KIF26B: variants seen among roughly 807,000 people sequenced by gnomAD.
KIF26B encodes the protein kinesin family member 26B, also known as kinesin-like protein KIF26B.
KIF26B carries 63 observed loss-of-function variants against 151.2 expected under a neutral mutation model. That is an observed-to-expected ratio of 0.42 (90% confidence interval 0.34 to 0.51). The LOEUF is 0.51. Among genes scored for constraint, KIF26B ranks in the 20% least tolerant of loss-of-function variants. The probability of loss-of-function intolerance (pLI) is 0.07; values close to 1 mark genes in which losing one functional copy is unlikely to be tolerated. For synonymous variants in KIF26B, 1,357 were observed against 1,262.1 expected (o/e 1.08, Z -1.59); for missense variants, 2,813 against 2,913.6 (o/e 0.97, Z 0.79).
intron 3 of KIF26B, among the ~76,000 whole-genome samples, chr1:245,399,122 G>A (rs1034153745): frequency 6.6e-6 from 1 of 152,152 alleles, no homozygotes; most frequent in Admixed American, 6.5e-5. Flanking sequence ...CCTCCAGTGA[G>A]GGGTCCAGTC....
chr1:245,194,067 C>T (rs936834319), intron 2 of KIF26B, among the ~76,000 whole-genome samples: 7 of 152,170 alleles, frequency 4.6e-5, no homozygotes, highest in African/African-American at 1.7e-4. Flanking sequence ...AAGCATTCCA[C>T]GTAGGACACT....
chr1:245,190,318 C>T (rs1048827332), intron 2 of KIF26B, among the ~76,000 whole-genome samples: 2 of 152,182 alleles, frequency 1.3e-5, no homozygotes, highest in Non-Finnish European at 2.9e-5. Flanking sequence ...ACTCTCTTGT[C>T]AGGACTTCTT....
chr1:245,408,673 TAA>T (rs1291739275), intron 3 of KIF26B, among the ~76,000 whole-genome samples: 2 of 152,190 alleles, frequency 1.3e-5, no homozygotes, highest in Non-Finnish European at 1.5e-5. Flanking sequence ...TTCTTTTTTT[TAA>T]AATACAATCT....
At chr1:245,353,095 G>A (rs1487773445) in intron 2 of KIF26B, among the ~76,000 whole-genome samples, 1 of 152,202 alleles carries the variant, frequency 6.6e-6, no homozygotes, top group African/African-American at 2.4e-5. Flanking sequence ...ATCTGTTAAA[G>A]ATAGTCAGAA....
chr1:245,319,979 T>C (rs1406314957), intron 2 of KIF26B, among the ~76,000 whole-genome samples: 5 of 152,324 alleles, frequency 3.3e-5, no homozygotes, highest in East Asian at 3.9e-4. Flanking sequence ...TACCCTTTCC[T>C]TTAGAAAATC....
chr1:245,230,575 T>C (rs569741018), intron 2 of KIF26B, among the ~76,000 whole-genome samples: 5 of 151,974 alleles, frequency 3.3e-5, no homozygotes, highest in Admixed American at 6.5e-5. Flanking sequence ...AAACCCCATC[T>C]CTACTAAAAA....
chr1:245,663,432 A>T (rs2044179902), intron 10 of KIF26B, among the ~76,000 whole-genome samples: 1 of 151,804 alleles, frequency 6.6e-6, no homozygotes, highest in Non-Finnish European at 1.5e-5. Flanking sequence ...ATTGTCTCTA[A>T]CATGTTAATC....
At chr1:245,181,512 G>GT (rs941385628) in intron 2 of KIF26B, among the ~76,000 whole-genome samples, 7 of 87,402 alleles carry the variant, frequency 8.0e-5, no homozygotes, top group African/African-American at 2.9e-4. Flanking sequence ...ACGTAGTAAA[G>GT]TTAAAAAAAA....
chr1:245,527,524 CTTTTTTTT>C (rs548422038), intron 4 of KIF26B, among the ~76,000 whole-genome samples: 20 of 50,722 alleles, frequency 3.9e-4, no homozygotes, highest in South Asian at 2.6e-3. Flanking sequence ...TTTGGGATGG[CTTTTTTTT>C]TTTTTTTTTT....
rs1673245101 is a variant in KIF26B at position 245,375,211 on chromosome 1, G to A, written c.999+7844G>A. On this transcript the variant is annotated intron_variant, in intron 3 of 14. Coordinates refer to ENST00000407071, the MANE Select transcript of KIF26B (RefSeq NM_018012.4). This position sits in a 1 kb window ranked among gnomAD's most constrained non-coding sequence, Gnocchi z 4.2. The stretch of plus-strand genomic sequence containing the variant: ...AAGCGATTCTCCTGCCTCAACCTCG[G>A]GATTACAGGCATGGACCACCATGTC... Among the ~76,000 whole-genome samples, 1 of 152,046 alleles carries A rather than the reference G, an allele frequency of 6.6e-6. No individual in the cohort carries two copies. Among genetic ancestry groups the A allele is most frequent in the Non-Finnish European group, 1.5e-5 (1 of 68,012 alleles).
intron 2 of KIF26B, among the ~76,000 whole-genome samples, chr1:245,157,811 T>C (rs1314632926): frequency 6.6e-6 from 1 of 152,240 alleles, no homozygotes; most frequent in Non-Finnish European, 1.5e-5. Flanking sequence ...ATCAAAAAGC[T>C]TATTTCGCTC....
At chr1:245,649,957 TG>T (rs910438344) in intron 10 of KIF26B, among the ~76,000 whole-genome samples, 5 of 152,204 alleles carry the variant, frequency 3.3e-5, no homozygotes, top group African/African-American at 1.2e-4. Flanking sequence ...CAAATGATAT[TG>T]CCCTTGAAGA....
At chr1:245,502,853 AT>A (rs1660650932) in intron 4 of KIF26B, among the ~76,000 whole-genome samples, 1 of 150,450 alleles carries the variant, frequency 6.6e-6, no homozygotes, top group Non-Finnish European at 1.5e-5. Context: ...AAAGAAGCTT[AT>A]GGTGAACTTT....
intron 4 of KIF26B, among the ~76,000 whole-genome samples, chr1:245,481,109 A>G (rs979058672): frequency 3.3e-5 from 5 of 151,928 alleles, no homozygotes; most frequent in Non-Finnish European, 7.4e-5. Context: ...TTAAAATGCC[A>G]CCTATAAGTG....
At chr1:245,230,327 T>C (rs1669970237) in intron 2 of KIF26B, among the ~76,000 whole-genome samples, 1 of 152,224 alleles carries the variant, frequency 6.6e-6, no homozygotes, top group Admixed American at 6.5e-5. Context: ...AAGAGAGTGC[T>C]CTTGAAATAA....
At position 245,563,959 on chromosome 1, in the gene KIF26B, C is replaced by T. The variant is rs550106895; in HGVS notation, c.1350+23009C>T. 8.7e-4 allele frequency among the ~76,000 whole-genome samples: 132 copies of T among 152,250 alleles called. 1 individual carries two copies. In the South Asian group the frequency reaches 0.025, roughly 29 times the overall value. On this transcript the variant is annotated intron_variant, in intron 5 of 14. Transcript: ENST00000407071. This position sits in a 1 kb window ranked among gnomAD's most constrained non-coding sequence, Gnocchi z 4.6. ...CATCCATCTGTTTCTGCACTCTCTT[C>T]GGTGCATCCTCTGAACCACCAGAAT... is the stretch of plus-strand genomic sequence containing the variant.
rs1318311342 is a variant in KIF26B, at chr1:245,563,084, ATGTT to A, written c.1350+22141_1350+22144del. Reference sequence around the variant, plus strand: ...CAGCATAGGAGCCGGCACTTAGTACATGTTTGTTTGGGGAATGAATGTGAGGTCA... The same window carrying A: ...CAGCATAGGAGCCGGCACTTAGTACATGTTTGGGGAATGAATGTGAGGTCA... On this transcript the variant is annotated intron_variant, in intron 5 of 14. Coordinates refer to ENST00000407071, the MANE Select transcript of KIF26B (RefSeq NM_018012.4). This position sits in a 1 kb window ranked among gnomAD's most constrained non-coding sequence, Gnocchi z 4.6. Among the ~76,000 whole-genome samples the A allele has an allele frequency of 2.0e-5, 3 of 152,212 alleles. No homozygotes were observed. Among genetic ancestry groups the A allele is most frequent in the Admixed American group, 1.3e-4 (2 of 15,292 alleles).
chr1:245,375,352 CA>C lies in KIF26B; in HGVS notation c.999+7986del, dbSNP rs1673249520. On this transcript the variant is annotated intron_variant, in intron 3 of 14. Transcript: ENST00000407071. The surrounding 1 kb of genome is among the most constrained non-coding windows in gnomAD (Gnocchi z 4.2). Reference sequence around the variant, plus strand: ...TCAGCCTCCCAAAGTGCTGGGATTACAGGTATGAACCACCACATCCGGCCAA... The same window carrying C: ...TCAGCCTCCCAAAGTGCTGGGATTACGGTATGAACCACCACATCCGGCCAA... 6.6e-6 allele frequency among the ~76,000 whole-genome samples: 1 copy of C among 152,150 alleles called. No homozygotes were observed. The highest frequency in any genetic ancestry group is 1.5e-5 in the Non-Finnish European group (1 of 68,022).
At chr1:245,190,811 G>T (rs1237289759) in intron 2 of KIF26B, among the ~76,000 whole-genome samples, 1 of 151,656 alleles carries the variant, frequency 6.6e-6, no homozygotes, top group Non-Finnish European at 1.5e-5. Context: ...TATAATCCCA[G>T]CACTTTGGGA....
Sources: allele counts gnomAD v4.1 joint callset (sites outside exome capture counted in the v4.1 genomes callset), GRCh38; gene constraint gnomAD v4.1.1; non-coding constraint Gnocchi (gnomAD v3.1); transcripts MANE v1.5; gene names NCBI Gene and HGNC (gene_info 2026-07-23, HGNC 2026-07-21).